The following ALDH2 variants were observed in gnomAD, a reference collection of about 807,000 sequenced individuals.
ALDH2 encodes aldehyde dehydrogenase, mitochondrial.
In ALDH2, 44 loss-of-function variants were observed where a neutral mutation model predicts 59.6. The observed-to-expected ratio is 0.74, with a 90% CI of 0.58 to 0.95. ALDH2 has a LOEUF of 0.95. Ranked by LOEUF, ALDH2 falls within the 40% of genes least tolerant of loss-of-function variation. ALDH2 has a pLI of 0.00. For missense variants in ALDH2, 570 were observed against 696.3 expected, an observed-to-expected ratio of 0.82 and a Z score of 2.04; for synonymous variants, 291 against 284.0, an observed-to-expected ratio of 1.02 and a Z score of -0.25.
At chr12:111,783,384 T>A in intron 3 of ALDH2, 86 bp downstream of exon 3, 1 of 1,485,834 alleles carries the variant, frequency 6.7e-7, no homozygotes, top group African/African-American at 1.4e-5. Context: ...CCAAGCATCC[T>A]GTGAACAGCC....
Position 111,814,217 on chromosome 12 carries a change from G to C in ALDH2, c.*4642G>C, listed in dbSNP as rs2068555432. The C allele has an allele frequency of 6.6e-6, 1 of 152,204 alleles. No individual in the cohort carries two copies. The highest frequency in any genetic ancestry group is 6.6e-5 in the Admixed American group (1 of 15,232). 9.4% of individuals were successfully genotyped at this position (152,204 alleles called of 1,614,324 possible). A position where few individuals can be genotyped will look rare whatever the true frequency, so the allele number is the denominator to read the frequency against. On this transcript the variant is annotated 3_prime_UTR_variant, in exon 13 of 13. Coordinates refer to ENST00000261733, the MANE Select transcript of ALDH2 (RefSeq NM_000690.4). The stretch of plus-strand genomic sequence containing the variant: ...AAAAAATTAGCCAGGCGTGGTGGTG[G>C]GCGCCTGTAGTCCCAGCTGATCGGG...
intron 4 of ALDH2, among the ~76,000 whole-genome samples, chr12:111,788,858 A>G (rs2068332397): frequency 6.6e-6 from 1 of 152,050 alleles, no homozygotes; most frequent in Non-Finnish European, 1.5e-5. Flanking sequence ...TAAAAACATT[A>G]GCCAGGCATG....
chr12:111,776,037 A>G (rs2136009468), intron 1 of ALDH2, among the ~76,000 whole-genome samples: 1 of 152,312 alleles, frequency 6.6e-6, no homozygotes. Flanking sequence ...GTGATTGAGA[A>G]CATTCTGGGC....
At chr12:111,776,164 C>T (rs2068233067) in intron 1 of ALDH2, among the ~76,000 whole-genome samples, 1 of 152,152 alleles carries the variant, frequency 6.6e-6, no homozygotes. Flanking sequence ...TGGCCCACCT[C>T]TCCCCTTCCT....
intron 12 of ALDH2, among the ~76,000 whole-genome samples, chr12:111,805,598 T>C (rs1400730594): frequency 2.0e-5 from 3 of 152,176 alleles, no homozygotes; most frequent in Non-Finnish European, 4.4e-5. Context: ...GCTGGGATTA[T>C]AGGCATGAGC....
intron 1 of ALDH2, among the ~76,000 whole-genome samples, chr12:111,777,606 G>T (rs542206089): frequency 6.6e-6 from 1 of 152,202 alleles, no homozygotes; most frequent in African/African-American, 2.4e-5. Flanking sequence ...CGCCCCCCAC[G>T]CCCGTGAGCC....
At chr12:111,790,705 C>A in intron 6 of ALDH2, 143 bp downstream of exon 6, 1 of 1,107,736 alleles carries the variant, frequency 9.0e-7, no homozygotes, top group East Asian at 2.5e-5. Flanking sequence ...GAGTGGCTCC[C>A]TCTTAGCTTT....
intron 9 of ALDH2, among the ~76,000 whole-genome samples, chr12:111,796,097 C>CT (rs1321184596): frequency 6.8e-6 from 1 of 147,858 alleles, no homozygotes; most frequent in Non-Finnish European, 1.5e-5. Context: ...CTCATCTCTA[C>CT]TAAAAAAAAA....
At chr12:111,802,155 TGTAATCCCAGC>T (rs2068456739) in intron 11 of ALDH2, among the ~76,000 whole-genome samples, 1 of 152,168 alleles carries the variant, frequency 6.6e-6, no homozygotes, top group African/African-American at 2.4e-5. Context: ...GGTTCACACC[TGTAATCCCAGC>T]ACTTTGGGAG....
rs78275173 is a variant in ALDH2, at chr12:111,779,899, T to G, written c.115-2019T>G. On this transcript the variant is annotated intron_variant, in intron 1 of 12. Transcript: ENST00000261733. ...CTGGCACTTTATGTATGTATTTATT[T>G]TTATTTTTTGAGACGGAGTTTCACT... is the stretch of plus-strand genomic sequence containing the variant. 6.0e-3 allele frequency among the ~76,000 whole-genome samples: 913 copies of G among 152,298 alleles called. 11 individuals carry two copies. The highest frequency in any genetic ancestry group is 0.02 in the African/African-American group (846 of 41,560).
At chr12:111,802,677 A>G (rs374576238) in intron 11 of ALDH2, among the ~76,000 whole-genome samples, 34 of 149,166 alleles carry the variant, frequency 2.3e-4, no homozygotes, top group South Asian at 1.1e-3. Context: ...TCAGAAGATC[A>G]AGACCATCCT....
intron 11 of ALDH2, among the ~76,000 whole-genome samples, chr12:111,802,610 G>A (rs1333813997): frequency 6.6e-6 from 1 of 151,358 alleles, no homozygotes; most frequent in Non-Finnish European, 1.5e-5. Context: ...GCAGGGCGCT[G>A]TGGTTCACAC....
chr12:111,783,414 C>T (rs375913816), intron 3 of ALDH2, 116 bp downstream of exon 3: 106 of 1,326,840 alleles, frequency 8.0e-5, no homozygotes, highest in South Asian at 2.0e-4. Flanking sequence ...ACATCTGACA[C>T]GGGACTGATG....
At chr12:111,783,579 G>A (rs1397945542) in intron 3 of ALDH2, among the ~76,000 whole-genome samples, 2 of 152,020 alleles carry the variant, frequency 1.3e-5, no homozygotes, top group African/African-American at 4.8e-5. Flanking sequence ...GCGACATCTC[G>A]GCTCACTGCA....
intron 9 of ALDH2, among the ~76,000 whole-genome samples, chr12:111,794,850 C>T (rs529421549): frequency 6.4e-4 from 97 of 152,252 alleles, no homozygotes; most frequent in Non-Finnish European, 7.9e-4. Flanking sequence ...ATATAATTCA[C>T]GTAGCATAAA....
At chr12:111,796,215 G>C (rs148742173) in intron 9 of ALDH2, among the ~76,000 whole-genome samples, 90 of 152,168 alleles carry the variant, frequency 5.9e-4, no homozygotes, top group African/African-American at 2.1e-3. Context: ...CCAGCTACTC[G>C]GGAGGCTGAG....
At position 111,774,173 on chromosome 12, in the gene ALDH2, T is replaced by C. The variant is rs7970477; in HGVS notation, c.114+7077T>C. ...GAAAAAAGGCCCTGGGGTGGGGGAG[T>C]GGGGCAGAGGGCTGGCGTCTGTCTG... On this transcript the variant is annotated intron_variant, in intron 1 of 12. Transcript: ENST00000261733. 2.6e-3 allele frequency among the ~76,000 whole-genome samples: 393 copies of C among 151,504 alleles called. 4 individuals are homozygous for C. The highest frequency in any genetic ancestry group is 9.0e-3 in the African/African-American group (372 of 41,264).
intron 12 of ALDH2, among the ~76,000 whole-genome samples, chr12:111,804,645 G>C (rs959229296): frequency 3.3e-5 from 5 of 151,958 alleles, no homozygotes; most frequent in Non-Finnish European, 7.4e-5. Context: ...TACTCAGGAG[G>C]CTGAGGCAGG....
At chr12:111,791,192 CAT>C in intron 6 of ALDH2, 112 bp from the exon 7 acceptor site, 2 of 743,770 alleles carry the variant, frequency 2.7e-6, no homozygotes, top group Middle Eastern at 4.7e-4. Flanking sequence ...CTTCTGACCA[CAT>C]GTGTCCTTGG....
Sources: allele counts gnomAD v4.1 joint callset (sites outside exome capture counted in the v4.1 genomes callset), GRCh38; gene constraint gnomAD v4.1.1; transcripts MANE v1.5; gene names NCBI Gene and HGNC (gene_info 2026-07-23, HGNC 2026-07-21).